OSBPL10: variants seen among roughly 807,000 people sequenced by gnomAD.
The protein encoded by OSBPL10 is oxysterol binding protein like 10.
In OSBPL10, 49 loss-of-function variants were observed where a neutral mutation model predicts 81.7. The ratio of observed to expected loss-of-function variants is 0.60; its 90% CI spans 0.48 to 0.76. The LOEUF (loss-of-function observed/expected upper bound fraction) is 0.76, where lower values mean the gene tolerates loss of function less well. OSBPL10 is among the 30% of genes least tolerant of loss of function. The probability of loss-of-function intolerance (pLI) is 0.00; values close to 1 mark genes in which losing one functional copy is unlikely to be tolerated. For missense variants in OSBPL10, 923 were observed against 987.8 expected (o/e 0.93, Z 0.88); for synonymous variants, 419 against 383.6 (o/e 1.09, Z -1.08).
intron 6 of OSBPL10, among the ~76,000 whole-genome samples, chr3:31,705,283 G>C (rs780967545): frequency 3.9e-5 from 6 of 152,064 alleles, no homozygotes; most frequent in Non-Finnish European, 2.9e-5. Flanking sequence ...GAGTTAAGCT[G>C]GTTTCATACA....
upstream of OSBPL10, among the ~76,000 whole-genome samples, chr3:31,983,486 A>C (rs547714096): frequency 6.6e-6 from 1 of 152,356 alleles, no homozygotes; most frequent in South Asian, 2.1e-4. Context: ...CAAGTGGGGA[A>C]GGAACTAAGC....
intron 4 of OSBPL10, among the ~76,000 whole-genome samples, chr3:31,780,741 T>C (rs576856855): frequency 6.6e-6 from 1 of 152,030 alleles, no homozygotes; most frequent in Non-Finnish European, 1.5e-5. Context: ...AATATACAGC[T>C]CTCCTGGATT....
intron 6 of OSBPL10, among the ~76,000 whole-genome samples, chr3:31,711,947 G>A (rs76461932): frequency 0.021 from 3,259 of 152,190 alleles, 131 homozygotes; most frequent in African/African-American, 0.073. Flanking sequence ...CAGGAGGAAG[G>A]GCGTGCCCAG....
At chr3:32,042,401 C>T (rs1268747981) in intron 2 of OSBPL10, among the ~76,000 whole-genome samples, 1 of 152,170 alleles carries the variant, frequency 6.6e-6, no homozygotes, top group Non-Finnish European at 1.5e-5. Context: ...AAACAATGCC[C>T]TTCTCTATTT....
intron 1 of OSBPL10, among the ~76,000 whole-genome samples, chr3:31,963,977 T>A (rs1698241538): frequency 6.6e-6 from 1 of 151,958 alleles, no homozygotes. Flanking sequence ...GCCCTCCTGC[T>A]CAGCATCTTC....
At chr3:32,015,700 A>C (rs1699306832) in intron 2 of OSBPL10, among the ~76,000 whole-genome samples, 1 of 152,266 alleles carries the variant, frequency 6.6e-6, no homozygotes, top group African/African-American at 2.4e-5. Flanking sequence ...CAATCTACTC[A>C]TCTTACAAAG....
chr3:31,904,781 C>G (rs1033566997), intron 1 of OSBPL10, among the ~76,000 whole-genome samples: 2 of 152,202 alleles, frequency 1.3e-5, no homozygotes, highest in African/African-American at 4.8e-5. Context: ...CATTTCCAAT[C>G]TGGGTCTGAA....
intron 3 of OSBPL10, among the ~76,000 whole-genome samples, chr3:31,837,976 G>A (rs1030834454): frequency 6.6e-6 from 1 of 152,108 alleles, no homozygotes; most frequent in South Asian, 2.1e-4. Context: ...TATAATTATT[G>A]TAATAAAAAT....
intron 3 of OSBPL10, among the ~76,000 whole-genome samples, chr3:31,857,894 G>A (rs1700966959): frequency 6.8e-6 from 1 of 147,088 alleles, no homozygotes; most frequent in African/African-American, 2.5e-5. Context: ...GAGAGAGAGA[G>A]AAAGAGAGAG....
At chr3:31,735,900 G>C (rs1180836148) in intron 5 of OSBPL10, among the ~76,000 whole-genome samples, 2 of 152,254 alleles carry the variant, frequency 1.3e-5, no homozygotes, top group East Asian at 3.9e-4. Flanking sequence ...TCAGCTCCTT[G>C]AGGACAAGAA....
intron 4 of OSBPL10, among the ~76,000 whole-genome samples, chr3:31,811,206 G>C (rs1003159728): frequency 2.0e-5 from 3 of 152,142 alleles, no homozygotes; most frequent in East Asian, 1.9e-4. Context: ...GGGGATGCTG[G>C]GGGTGGGCAA....
chr3:31,710,611 A>T (rs545185810), intron 6 of OSBPL10: 1 of 152,402 alleles, frequency 6.6e-6, no homozygotes, highest in South Asian at 2.1e-4. Flanking sequence ...GTGTGAACTA[A>T]GCAAGACAAA....
At chr3:31,699,450 T>C (rs1329013577) in intron 7 of OSBPL10, among the ~76,000 whole-genome samples, 1 of 152,174 alleles carries the variant, frequency 6.6e-6, no homozygotes, top group African/African-American at 2.4e-5. Context: ...ATACAGTGGG[T>C]TATTCCAGTG....
intron 1 of OSBPL10, among the ~76,000 whole-genome samples, chr3:31,947,034 A>C (rs1362986158): frequency 6.6e-6 from 1 of 152,204 alleles, no homozygotes; most frequent in Non-Finnish European, 1.5e-5. Context: ...AGACAAAGGC[A>C]GGAGGGAGCA....
Position 31,876,903 on chromosome 3 carries a change from CT to C in OSBPL10, c.458-392del, listed in dbSNP as rs35788348. Among the ~76,000 whole-genome samples the C allele has an allele frequency of 0.014, 1,902 of 131,704 alleles. 58 individuals are homozygous for C. In the East Asian group the frequency reaches 0.17, roughly 12 times the overall value. 86.4% of individuals were successfully genotyped at this position (131,704 alleles called of 152,430 possible). On this transcript the variant is annotated intron_variant, in intron 2 of 11. Coordinates refer to ENST00000396556, the MANE Select transcript of OSBPL10 (RefSeq NM_017784.5). Reference sequence around the variant, plus strand: ...TAGCTAATATGAGTATCAAATGGCACTTTTTTTTTTTTTTTTTTGAGACGGA... The same window carrying C: ...TAGCTAATATGAGTATCAAATGGCACTTTTTTTTTTTTTTTTTGAGACGGA...
At chr3:32,050,794 T>G (rs572532112) in intron 1 of OSBPL10, among the ~76,000 whole-genome samples, 1 of 152,034 alleles carries the variant, frequency 6.6e-6, no homozygotes, top group Non-Finnish European at 1.5e-5. Context: ...CCCAAGTAGC[T>G]AGAATTACAG....
At chr3:31,887,205 C>A (rs183318465) in intron 1 of OSBPL10, among the ~76,000 whole-genome samples, 51 of 152,282 alleles carry the variant, frequency 3.3e-4, no homozygotes, top group African/African-American at 1.1e-3. Context: ...GCACAAACAT[C>A]TAAAGCTTCA....
chr3:31,838,505 T>C (rs1332510465), intron 3 of OSBPL10, among the ~76,000 whole-genome samples: 1 of 96,748 alleles, frequency 1.0e-5, no homozygotes, highest in Non-Finnish European at 1.9e-5. Flanking sequence ...AGCAAGACTC[T>C]GTCAAAAAAA....
chr3:31,956,684 C>T (rs6764194), intron 1 of OSBPL10, among the ~76,000 whole-genome samples: 26,138 of 151,856 alleles, frequency 0.17, 2,723 homozygotes, highest in African/African-American at 0.27. Flanking sequence ...GCCGAGATTG[C>T]GCCATTGCAC....
Sources: allele counts gnomAD v4.1 joint callset (sites outside exome capture counted in the v4.1 genomes callset), GRCh38; gene constraint gnomAD v4.1.1; transcripts MANE v1.5; gene names NCBI Gene and HGNC (gene_info 2026-07-23, HGNC 2026-07-21).